CYP3A4: variants seen among roughly 807,000 people sequenced by gnomAD.
The protein encoded by CYP3A4 is cytochrome P450 3A4.
CYP3A4 carries 41 observed loss-of-function variants against 54.9 expected under a neutral mutation model. The observed-to-expected ratio is 0.75, with a 90% confidence interval of 0.58 to 0.97. CYP3A4 has a LOEUF of 0.97. Ranked by LOEUF, CYP3A4 falls within the 50% of genes least tolerant of loss-of-function variation. CYP3A4 has a pLI of 0.00. For missense variants in CYP3A4, 510 were observed against 597.3 expected (o/e 0.85, Z 1.52); for synonymous variants, 179 against 205.2 (o/e 0.87, Z 1.09).
intron 10 of CYP3A4, among the ~76,000 whole-genome samples, chr7:99,762,571 CATATATATGTGT>C (rs1328934666): frequency 1.3e-5 from 2 of 151,770 alleles, no homozygotes; most frequent in African/African-American, 2.4e-5. Flanking sequence ...TACACACACA[CATATATATGTGT>C]ATATATATGT....
At chr7:99,773,745 G>A (rs1461486591) in intron 3 of CYP3A4, among the ~76,000 whole-genome samples, 1 of 152,126 alleles carries the variant, frequency 6.6e-6, no homozygotes, top group Non-Finnish European at 1.5e-5. Context: ...GAGAAAGCAG[G>A]AAAGATCTAA....
At chr7:99,764,151 G>A in intron 9 of CYP3A4, 136 bp from the exon 10 acceptor site, 2 of 1,311,112 alleles carry the variant, frequency 1.5e-6, no homozygotes, top group Non-Finnish European at 2.1e-6. Flanking sequence ...GTACACTGGG[G>A]GTGGTTTCAT....
At chr7:99,765,716 G>C (rs1252397478) in intron 9 of CYP3A4, among the ~76,000 whole-genome samples, 7 of 152,162 alleles carry the variant, frequency 4.6e-5, no homozygotes, top group Non-Finnish European at 1.0e-4. Flanking sequence ...CATAGTAATA[G>C]TGACTTCAGT....
chr7:99,772,581 A>C lies in CYP3A4; in HGVS notation c.318+9T>G. 1 of 1,611,904 alleles carries C rather than the reference A, an allele frequency of 6.2e-7. No individual in the cohort carries two copies. Among genetic ancestry groups the C allele is most frequent in the Non-Finnish European group, 8.5e-7 (1 of 1,179,230 alleles). ...ATCAGTATTTTAATTTCAACACATG[A>C]ATGCTTACCCTCCGGTTTGTGAAGA... On this transcript the variant is annotated intron_variant, in intron 4 of 12. Coordinates refer to ENST00000651514, the MANE Select transcript of CYP3A4 (RefSeq NM_017460.6).
rs1755614147 is a variant in CYP3A4 at position 99,758,022 on chromosome 7, T to C, written c.*111A>G. ...AATCCCCGGTTATTTATGCAGTCCA[T>C]TGGATGAAGCCCATCTTCATTTCAG... On this transcript the variant is annotated 3_prime_UTR_variant, in exon 13 of 13. Transcript: ENST00000651514. The C allele has an allele frequency of 1.2e-6, 1 of 860,052 alleles. No individual in the cohort carries two copies. The highest frequency in any genetic ancestry group is 1.9e-6 in the Non-Finnish European group (1 of 515,150). 53.3% of individuals were successfully genotyped at this position (860,052 alleles called of 1,614,324 possible).
chr7:99,768,452 A>T lies in CYP3A4; in HGVS notation c.572T>A (p.Val191Glu), dbSNP rs139541290. ...TGGATTGTTGAGAGAGTCGATGTTCACTCCAAATGATGTGCTAGTGATCAC... is the reference window on the plus strand; with the variant it reads ...TGGATTGTTGAGAGAGTCGATGTTCTCTCCAAATGATGTGCTAGTGATCAC... ...MDVITSTSFG[V>E]NIDSLNNPQD... Residue 191 changes from valine (V) to glutamate (E), a missense_variant, in exon 7 of 13, where the codon GTG becomes GAG. Around this residue, in one of 2 missense-constraint regions of CYP3A4, gnomAD observed 272 missense variants for 274.9 expected, o/e 0.99. Transcript: ENST00000651514. 3 of 1,613,996 alleles carry T rather than the reference A, an allele frequency of 1.9e-6. No individual in the cohort carries two copies. Among genetic ancestry groups the T allele is most frequent in the Admixed American group, 3.3e-5 (2 of 60,004 alleles).
At chr7:99,772,907 C>T (rs1196352598) in intron 3 of CYP3A4, among the ~76,000 whole-genome samples, 4 of 152,048 alleles carry the variant, frequency 2.6e-5, no homozygotes, top group Non-Finnish European at 1.5e-5. Context: ...GTGGGCCAAA[C>T]AAGGAAGAGA....
chr7:99,762,525 C>T (rs746906331), intron 10 of CYP3A4, among the ~76,000 whole-genome samples: 10 of 151,324 alleles, frequency 6.6e-5, no homozygotes, highest in South Asian at 2.1e-4. Flanking sequence ...TTAGCATAAC[C>T]GTGTATATAT....
intron 4 of CYP3A4, among the ~76,000 whole-genome samples, chr7:99,770,623 T>C (rs1563042849): frequency 6.6e-6 from 1 of 152,120 alleles, no homozygotes; most frequent in Non-Finnish European, 1.5e-5. Context: ...CTTTGGTGGA[T>C]TGTATGTTGC....
chr7:99,771,696 T>A (rs1224704544), intron 4 of CYP3A4, among the ~76,000 whole-genome samples: 1 of 152,154 alleles, frequency 6.6e-6, no homozygotes, highest in Admixed American at 6.5e-5. Flanking sequence ...GAAGAATCAC[T>A]CTACACGAGG....
At chr7:99,777,131 A>T (rs561029775) in intron 3 of CYP3A4, among the ~76,000 whole-genome samples, 1 of 152,354 alleles carries the variant, frequency 6.6e-6, no homozygotes, top group Non-Finnish European at 1.5e-5. Flanking sequence ...TCCAAAGTCT[A>T]AATGAAAGAG....
intron 2 of CYP3A4, among the ~76,000 whole-genome samples, chr7:99,779,466 C>T (rs1013827338): frequency 6.6e-5 from 10 of 152,172 alleles, no homozygotes; most frequent in East Asian, 1.9e-4. Flanking sequence ...TAGCATTTTT[C>T]GGAGAGGATT....
chr7:99,763,672 C>T (rs1015695333), intron 10 of CYP3A4, among the ~76,000 whole-genome samples, 183 bp downstream of exon 10: 10 of 152,316 alleles, frequency 6.6e-5, no homozygotes, highest in Middle Eastern at 3.4e-3. Context: ...AAAGATCTTA[C>T]GCTTCTGCCA....
intron 9 of CYP3A4, among the ~76,000 whole-genome samples, chr7:99,765,486 T>TA (rs1232497884): frequency 0.02 from 2,937 of 149,410 alleles, 79 homozygotes; most frequent in African/African-American, 0.07. Context: ...GATAGATAGA[T>TA]GATAGATAGA....
chr7:99,759,151 A>T (rs1815253195), intron 12 of CYP3A4, among the ~76,000 whole-genome samples: 1 of 152,186 alleles, frequency 6.6e-6, no homozygotes, highest in Non-Finnish European at 1.5e-5. Context: ...GCCACAAATA[A>T]TATGGAATAT....
At chr7:99,776,012 C>T (rs1268581127) in intron 3 of CYP3A4, among the ~76,000 whole-genome samples, 1 of 152,118 alleles carries the variant, frequency 6.6e-6, no homozygotes, top group Non-Finnish European at 1.5e-5. Flanking sequence ...AAGCAAACAA[C>T]CCCATCAAAA....
At position 99,784,121 on chromosome 7, in the gene CYP3A4, T is replaced by A. The variant is rs1188344666; in HGVS notation, c.-40A>T. ...CTTATCTCTCTCCTCTGAGTCTTCC[T>A]TTCAGCTCTGTGTTGCTCTTTGCTG... On this transcript the variant is annotated 5_prime_UTR_variant, in exon 1 of 13. The change creates a new upstream start codon in the 5' untranslated region. Transcript: ENST00000651514. The A allele has an allele frequency of 6.3e-7, 1 of 1,580,216 alleles. No homozygotes were observed. The highest frequency in any genetic ancestry group is 8.7e-7 in the Non-Finnish European group (1 of 1,149,582).
chr7:99,780,184 G>A (rs965061130), intron 1 of CYP3A4, 99 bp from the exon 2 acceptor site: 22 of 1,216,094 alleles, frequency 1.8e-5, no homozygotes, highest in Middle Eastern at 1.9e-4. Context: ...TCAAGAGAAC[G>A]AGGTAACATT....
In CYP3A4 at chr7:99,768,352, A is replaced by G; in HGVS notation, c.670+2T>C. ...AATAAAAGGAAATAGTAGTCCACAT[A>G]CTTATTGAGAGAAAGAATGGATCCA... On this transcript the variant is annotated splice_donor_variant, in intron 7 of 12. Transcript: ENST00000651514. LOFTEE classifies it high-confidence loss of function. 2 of 1,613,258 alleles carry G rather than the reference A, an allele frequency of 1.2e-6. No individual in the cohort carries two copies. The highest frequency in any genetic ancestry group is 4.5e-5 in the East Asian group (2 of 44,840).
Sources: gnomAD v4.1 joint callset for allele counts (sites outside exome capture counted in the v4.1 genomes callset) on GRCh38, gnomAD v4.1.1 for gene constraint, gnomAD v4.1.1 regional missense constraint, MANE v1.5 for transcripts, NCBI Gene and HGNC (gene_info 2026-07-23, HGNC 2026-07-21) for gene names.